The following KCTD3 variants were observed in gnomAD, a reference collection of about 807,000 sequenced individuals.
KCTD3 encodes the protein potassium channel tetramerization domain containing 3, also known as BTB/POZ domain-containing protein KCTD3.
Under a neutral mutation model 85.8 loss-of-function variants are expected in KCTD3, and 41 were observed. The observed-to-expected ratio is 0.48, with a 90% CI of 0.37 to 0.62. The LOEUF is 0.62. KCTD3 is among the 20% of genes least tolerant of loss of function. The pLI is 0.00. For missense variants in KCTD3, 724 were observed against 989.9 expected (o/e 0.73, Z 3.60); for synonymous variants, 338 against 345.4 (o/e 0.98, Z 0.24).
chr1:215,574,892 C>G (rs7545425), intron 3 of KCTD3, among the ~76,000 whole-genome samples: 1 of 152,026 alleles, frequency 6.6e-6, no homozygotes, highest in East Asian at 1.9e-4. Context: ...AAAGATGTTC[C>G]GTTTTTATGG....
intron 9 of KCTD3, among the ~76,000 whole-genome samples, chr1:215,592,326 T>C (rs928482435): frequency 2.0e-5 from 3 of 152,144 alleles, no homozygotes; most frequent in African/African-American, 7.2e-5. Flanking sequence ...CTGCCTGTTG[T>C]CCAATACCTA....
chr1:215,597,405 C>CT (rs1401746171), intron 10 of KCTD3, among the ~76,000 whole-genome samples: 1 of 152,082 alleles, frequency 6.6e-6, no homozygotes, highest in Non-Finnish European at 1.5e-5. Flanking sequence ...TTAGGCACTG[C>CT]TTCCCAAGTT....
At chr1:215,588,784 A>G (rs1660111383) in intron 9 of KCTD3, among the ~76,000 whole-genome samples, 1 of 152,214 alleles carries the variant, frequency 6.6e-6, no homozygotes, top group Non-Finnish European at 1.5e-5. Flanking sequence ...TACCAGGTCC[A>G]GCCACATCTA....
At chr1:215,578,964 C>T (rs1246723156) in intron 6 of KCTD3, 36 bp from the exon 7 acceptor site, 19 of 1,439,334 alleles carry the variant, frequency 1.3e-5, no homozygotes, top group Non-Finnish European at 1.7e-5. Context: ...GAAAGGTGAA[C>T]TTAGGAATGT....
intron 15 of KCTD3, 85 bp downstream of exon 15, chr1:215,612,006 AAG>A: frequency 2.3e-6 from 2 of 874,120 alleles, no homozygotes; most frequent in Non-Finnish European, 3.8e-6. Flanking sequence ...ATATTGACCA[AAG>A]AGTGCTACTA....
chr1:215,582,325 C>T (rs568157400), intron 8 of KCTD3, among the ~76,000 whole-genome samples: 1 of 152,166 alleles, frequency 6.6e-6, no homozygotes, highest in South Asian at 2.1e-4. Context: ...TCTCATACAA[C>T]TTGAGGTGAA....
intron 6 of KCTD3, among the ~76,000 whole-genome samples, 153 bp downstream of exon 6, chr1:215,578,234 G>T (rs962956420): frequency 2.0e-5 from 3 of 152,134 alleles, no homozygotes; most frequent in African/African-American, 7.2e-5. Flanking sequence ...TAGAAATTAA[G>T]TCACATTATA....
chr1:215,575,327 C>G (rs1241530901), intron 3 of KCTD3, among the ~76,000 whole-genome samples: 3 of 151,808 alleles, frequency 2.0e-5, no homozygotes, highest in Admixed American at 1.3e-4. Context: ...CTTATGTATT[C>G]TGTGGTGCTT....
chr1:215,614,319 C>T (rs1446002940), intron 15 of KCTD3, among the ~76,000 whole-genome samples: 1 of 152,066 alleles, frequency 6.6e-6, no homozygotes, highest in African/African-American at 2.4e-5. Context: ...GCGTGAGCCA[C>T]TGCATCCGGC....
At chr1:215,610,167 T>C (rs1188640365) in intron 14 of KCTD3, among the ~76,000 whole-genome samples, 1 of 151,050 alleles carries the variant, frequency 6.6e-6, no homozygotes, top group East Asian at 1.9e-4. Flanking sequence ...TTCAGTAGAG[T>C]GGTAAAGGTG....
intron 14 of KCTD3, among the ~76,000 whole-genome samples, chr1:215,609,750 G>T (rs968462031): frequency 1.3e-5 from 2 of 151,862 alleles, no homozygotes; most frequent in African/African-American, 4.8e-5. Context: ...ACTAAATAAA[G>T]AAATATAGGA....
At chr1:215,592,985 T>C (rs567515661) in intron 9 of KCTD3, among the ~76,000 whole-genome samples, 6 of 152,342 alleles carry the variant, frequency 3.9e-5, no homozygotes, top group Non-Finnish European at 7.3e-5. Context: ...TTTGTTGATT[T>C]CCTAGAACCT....
intron 14 of KCTD3, among the ~76,000 whole-genome samples, chr1:215,611,369 C>G (rs983360562): frequency 1.3e-5 from 2 of 151,866 alleles, no homozygotes; most frequent in Non-Finnish European, 2.9e-5. Context: ...GAAGCTTCAA[C>G]TAATTACATT....
In KCTD3 at chr1:215,569,662, C is replaced by T. The variant is rs112447482; in HGVS notation, c.83+1894C>T. ...CCAGGCTGGAGTGCAGTGGTGCGAT[C>T]TCGGCTCACTGCAAGCTCCGCCTCC... On this transcript the variant is annotated intron_variant, in intron 1 of 17. Transcript: ENST00000259154. 8.5e-3 allele frequency among the ~76,000 whole-genome samples: 1,236 copies of T among 145,368 alleles called. 5 individuals carry two copies. Among genetic ancestry groups the T allele is most frequent in the Non-Finnish European group, 0.014 (912 of 67,240 alleles).
At chr1:215,617,786 A>G (rs928576176) in intron 15 of KCTD3, among the ~76,000 whole-genome samples, 2 of 147,528 alleles carry the variant, frequency 1.4e-5, no homozygotes, top group African/African-American at 2.5e-5. Flanking sequence ...CTATATATAT[A>G]TATAATGTAT....
Position 215,616,675 on chromosome 1 carries a change from G to T in KCTD3, c.1563-2211G>T, listed in dbSNP as rs550440804. On this transcript the variant is annotated intron_variant, in intron 15 of 17. Transcript: ENST00000259154. ...CTCAGGAGGCTGAGGCAGGAGAATC[G>T]CTTGAACCCAGGAGGCAGAGGTTGC... Among the ~76,000 whole-genome samples the T allele has an allele frequency of 5.9e-5, 9 of 152,202 alleles. No individual in the cohort carries two copies. The South Asian group carries it at 1.9e-3, about 32-fold the overall frequency.
chr1:215,591,651 G>A (rs1028199965), intron 9 of KCTD3, among the ~76,000 whole-genome samples: 1 of 152,096 alleles, frequency 6.6e-6, no homozygotes, highest in Non-Finnish European at 1.5e-5. Flanking sequence ...ACCGCGCCCG[G>A]CCAGCAGCCT....
rs1655575466 is a variant in KCTD3, at chr1:215,619,273, T to TA, written c.1869dup (p.Arg624ThrfsTer6). The TA allele has an allele frequency of 6.2e-7, 1 of 1,613,382 alleles. No homozygotes were observed. The highest frequency in any genetic ancestry group is 8.5e-7 in the Non-Finnish European group (1 of 1,179,594). The stretch of plus-strand genomic sequence containing the variant: ...ACTTCCGTAGTTCAGCATAGCCACT[T>TA]ACGAGAATCAAATTCTAGGTAGGTT... On this transcript the variant is annotated frameshift_variant, in exon 17 of 18. Transcript: ENST00000259154. LOFTEE classifies it low-confidence loss of function (END_TRUNC).
chr1:215,616,417 T>C (rs551645500), intron 15 of KCTD3, among the ~76,000 whole-genome samples: 32 of 152,328 alleles, frequency 2.1e-4, no homozygotes, highest in African/African-American at 7.2e-4. Context: ...TTTTAAAATC[T>C]GATAATGCCC....
Sources: gnomAD v4.1 joint callset for allele counts (sites outside exome capture counted in the v4.1 genomes callset) on GRCh38, gnomAD v4.1.1 for gene constraint, MANE v1.5 for transcripts, NCBI Gene and HGNC (gene_info 2026-07-23, HGNC 2026-07-21) for gene names.